SH3D19: variants seen among roughly 807,000 people sequenced by gnomAD.
SH3D19 encodes SH3 domain-containing protein 19.
SH3D19 carries 58 observed loss-of-function variants against 112.1 expected under a neutral mutation model. The ratio of observed to expected loss-of-function variants is 0.52; its 90% CI spans 0.42 to 0.64. SH3D19 has a LOEUF of 0.64. Among genes scored for constraint, SH3D19 ranks in the 30% least tolerant of loss-of-function variants. The pLI, the probability that SH3D19 is intolerant of heterozygous loss-of-function variation, is 0.00. For missense variants in SH3D19, 1,090 were observed against 1,263.4 expected, an observed-to-expected ratio of 0.86 and a Z score of 2.08; for synonymous variants, 391 against 448.5, an observed-to-expected ratio of 0.87 and a Z score of 1.62.
intron 15 of SH3D19, 32 bp downstream of exon 15, chr4:151,135,042 A>G (rs771591684): frequency 7.9e-6 from 12 of 1,524,926 alleles, no homozygotes; most frequent in Non-Finnish European, 1.1e-5. Context: ...TCTCCTTTGT[A>G]TTTTGTGTAA....
At chr4:151,218,422 T>TC (rs1199607957) in intron 2 of SH3D19, among the ~76,000 whole-genome samples, 1 of 151,666 alleles carries the variant, frequency 6.6e-6, no homozygotes, top group African/African-American at 2.4e-5. Flanking sequence ...AGTTTTTTTT[T>TC]TTTCTTTCTT....
At chr4:151,195,019 G>A (rs1038183210) in intron 2 of SH3D19, among the ~76,000 whole-genome samples, 1 of 148,596 alleles carries the variant, frequency 6.7e-6, no homozygotes, top group Non-Finnish European at 1.5e-5. Context: ...AGGTTGCAGT[G>A]AGCCAAGATC....
Position 151,175,505 on chromosome 4 carries a change from G to T in SH3D19, c.699C>A (p.Asn233Lys). 7.1e-7 allele frequency: 1 copy of T among 1,416,716 alleles called. No individual in the cohort carries two copies. Among genetic ancestry groups the T allele is most frequent in the East Asian group, 2.6e-5 (1 of 39,120 alleles). The allele number at this position is 1,416,716 out of a possible 1,614,324, so 87.8% of individuals were successfully genotyped here. A position where few individuals can be genotyped will look rare whatever the true frequency, so the allele number is the denominator to read the frequency against. The part of the protein sequence containing the change: ...CPVPKPRSKS[N>K]LRPIPRDSHI... ...GAGAATCTCTGGGTATTGGTCTGAG[G>T]TTGCTTTTTGATCTTGGTTTTGGCA... The change falls in exon 7 of 20, where the codon AAC becomes AAA. Residue 233 changes from asparagine to lysine, a missense_variant. Transcript: ENST00000604030.
intron 3 of SH3D19, among the ~76,000 whole-genome samples, chr4:151,183,824 G>A (rs932807124): frequency 2.0e-5 from 3 of 152,130 alleles, no homozygotes; most frequent in Non-Finnish European, 4.4e-5. Context: ...TAACAAGAAC[G>A]TCTGTGGAGT....
chr4:151,240,800 G>C (rs1770490608), intron 1 of SH3D19, among the ~76,000 whole-genome samples: 1 of 151,870 alleles, frequency 6.6e-6, no homozygotes, highest in Admixed American at 6.6e-5. Context: ...TTATATCAAA[G>C]AGAAATACAA....
intron 1 of SH3D19, among the ~76,000 whole-genome samples, chr4:151,256,597 A>G (rs1771939029): frequency 6.6e-6 from 1 of 151,980 alleles, no homozygotes; most frequent in Non-Finnish European, 1.5e-5. Context: ...ATGTTAACCA[A>G]TGTGCTTTTT....
chr4:151,310,034 A>G (rs367988295), intron 1 of SH3D19, among the ~76,000 whole-genome samples: 1 of 151,814 alleles, frequency 6.6e-6, no homozygotes, highest in South Asian at 2.1e-4. Flanking sequence ...CTGTAATCCC[A>G]GCACTTTGGG....
intron 1 of SH3D19, among the ~76,000 whole-genome samples, chr4:151,318,648 G>A (rs1437466214): frequency 1.3e-5 from 2 of 152,140 alleles, no homozygotes; most frequent in South Asian, 4.1e-4. Flanking sequence ...TAATTTTATA[G>A]GTATTTACTA....
At position 151,229,940 on chromosome 4, in the gene SH3D19, A is replaced by G. The variant is rs974407307; in HGVS notation, c.113-3854T>C. Among the ~76,000 whole-genome samples, 2 of 152,264 alleles carry G rather than the reference A, an allele frequency of 1.3e-5. 1 individual carries two copies. Among genetic ancestry groups the G allele is most frequent in the African/African-American group, 4.8e-5 (2 of 41,558 alleles). ...AAAAACAAAAACAAAAACAAAAAAC[A>G]AGGCAGAGCTGGCACAAAGACTATT... On this transcript the variant is annotated intron_variant, in intron 1 of 19. Coordinates refer to ENST00000604030, the MANE Select transcript of SH3D19 (RefSeq NM_001378122.1).
At chr4:151,145,745 A>T (rs1224836912) in intron 11 of SH3D19, among the ~76,000 whole-genome samples, 1 of 152,152 alleles carries the variant, frequency 6.6e-6, no homozygotes, top group East Asian at 1.9e-4. Context: ...AGAGGCTACG[A>T]TTGGCGTAAT....
chr4:151,264,981 G>C (rs553313398), intron 1 of SH3D19, among the ~76,000 whole-genome samples: 1 of 152,144 alleles, frequency 6.6e-6, no homozygotes, highest in Non-Finnish European at 1.5e-5. Context: ...ACTGCAAAGT[G>C]AATATTCCTC....
intron 1 of SH3D19, among the ~76,000 whole-genome samples, chr4:151,243,615 G>A (rs1421843140): frequency 3.3e-5 from 5 of 152,156 alleles, no homozygotes; most frequent in Non-Finnish European, 5.9e-5. Flanking sequence ...GGGTATGAGG[G>A]TCCTTCATAA....
intron 7 of SH3D19, among the ~76,000 whole-genome samples, chr4:151,173,750 G>C (rs1759463012): frequency 6.6e-6 from 1 of 152,206 alleles, no homozygotes; most frequent in Non-Finnish European, 1.5e-5. Context: ...TGCAGAATGT[G>C]GCTGTGAAAT....
chr4:151,235,420 T>C (rs1328322866), intron 1 of SH3D19, among the ~76,000 whole-genome samples: 1 of 152,228 alleles, frequency 6.6e-6, no homozygotes, highest in Non-Finnish European at 1.5e-5. Flanking sequence ...CAATAACCTC[T>C]CAAAATCCTG....
chr4:151,141,356 G>A (rs910580909), intron 12 of SH3D19, among the ~76,000 whole-genome samples: 3 of 152,218 alleles, frequency 2.0e-5, no homozygotes. Flanking sequence ...AAATTCCTGG[G>A]CTCAGGTGAT....
At chr4:151,213,111 TG>T (rs1766240712) in intron 2 of SH3D19, among the ~76,000 whole-genome samples, 2 of 152,242 alleles carry the variant, frequency 1.3e-5, no homozygotes, top group Non-Finnish European at 2.9e-5. Context: ...TTCCTTCTTC[TG>T]GATGAGCAAA....
intron 1 of SH3D19, among the ~76,000 whole-genome samples, chr4:151,319,133 A>C (rs6843412): frequency 0.5 from 76,153 of 152,082 alleles, 19,256 homozygotes; most frequent in African/African-American, 0.55. Flanking sequence ...TCACTGCAAC[A>C]TCCACCTCCC....
intron 1 of SH3D19, among the ~76,000 whole-genome samples, chr4:151,301,375 G>T (rs1386835793): frequency 6.6e-6 from 1 of 152,174 alleles, no homozygotes; most frequent in African/African-American, 2.4e-5. Context: ...TTACAGACAT[G>T]TGCCACCACA....
intron 1 of SH3D19, among the ~76,000 whole-genome samples, chr4:151,253,122 C>T (rs1295793196): frequency 6.6e-6 from 1 of 152,190 alleles, no homozygotes; most frequent in Non-Finnish European, 1.5e-5. Flanking sequence ...AGAATAAAAA[C>T]CGAAGTCCTC....
Sources: allele counts gnomAD v4.1 joint callset (sites outside exome capture counted in the v4.1 genomes callset), GRCh38; gene constraint gnomAD v4.1.1; transcripts MANE v1.5; gene names NCBI Gene and HGNC (gene_info 2026-07-23, HGNC 2026-07-21).